The following CDH18 variants were observed in gnomAD, a reference collection of about 807,000 sequenced individuals.
CDH18 encodes cadherin-18.
Under a neutral mutation model 67.9 loss-of-function variants are expected in CDH18, and 31 were observed. That is an observed-to-expected ratio of 0.46 (90% CI 0.34 to 0.62). The LOEUF (loss-of-function observed/expected upper bound fraction) is 0.62. Among genes scored for constraint, CDH18 ranks in the 20% least tolerant of loss-of-function variants. The pLI is 0.01. For synonymous variants in CDH18, 362 were observed against 347.2 expected, an observed-to-expected ratio of 1.04 and a Z score of -0.48; for missense variants, 890 against 975.5, an observed-to-expected ratio of 0.91 and a Z score of 1.17.
chr5:19,554,078 A>T (rs923148323), intron 8 of CDH18, among the ~76,000 whole-genome samples: 1 of 152,172 alleles, frequency 6.6e-6, no homozygotes, highest in Non-Finnish European at 1.5e-5. Flanking sequence ...TTCTAAAAAA[A>T]AGAAGGTATA....
intron 1 of CDH18, among the ~76,000 whole-genome samples, chr5:20,462,184 T>C (rs1751311137): frequency 6.6e-6 from 1 of 152,136 alleles, no homozygotes; most frequent in African/African-American, 2.4e-5. Flanking sequence ...AGAGCATCTG[T>C]AAAAAATAAT....
intron 2 of CDH18, among the ~76,000 whole-genome samples, chr5:20,174,733 T>C (rs534183005): frequency 1.3e-5 from 2 of 152,258 alleles, no homozygotes; most frequent in Admixed American, 1.3e-4. Flanking sequence ...GATCGGTAAA[T>C]ATGATCCCAT....
At position 19,838,956 on chromosome 5, in the gene CDH18, G is replaced by C. The variant is rs770157004; in HGVS notation, c.31C>G (p.Pro11Ala). ...ACAAAACAGAGACACACTAGGACTG[G>C]ACAGATGCAAGATGTGCTAGTAATT... is the stretch of plus-strand genomic sequence containing the variant. MKITSTSCICPVLVCLCFVQR... is the reference protein window; with the variant it reads MKITSTSCICAVLVCLCFVQR... Residue 11 changes from proline to alanine, a missense_variant, in exon 3 of 13, where the codon CCA (proline) becomes GCA (alanine). Coordinates refer to ENST00000382275, the MANE Select transcript of CDH18 (RefSeq NM_004934.5). 1 of 1,613,676 alleles carries C rather than the reference G, an allele frequency of 6.2e-7. No individual in the cohort carries two copies. The highest frequency in any genetic ancestry group is 8.5e-7 in the Non-Finnish European group (1 of 1,179,610).
chr5:20,554,430 C>T (rs181623506), intron 1 of CDH18, among the ~76,000 whole-genome samples: 1 of 152,280 alleles, frequency 6.6e-6, no homozygotes, highest in East Asian at 1.9e-4. Context: ...CACTTTTTCT[C>T]TATTTCCTCA....
chr5:19,711,573 T>C (rs1764710426), intron 5 of CDH18, among the ~76,000 whole-genome samples: 1 of 147,938 alleles, frequency 6.8e-6, no homozygotes, highest in Non-Finnish European at 1.5e-5. Context: ...TCAACATCAC[T>C]ATTCATCAGA....
At chr5:20,356,484 T>C (rs1741616053) in intron 1 of CDH18, among the ~76,000 whole-genome samples, 1 of 152,094 alleles carries the variant, frequency 6.6e-6, no homozygotes, top group African/African-American at 2.4e-5. Context: ...TCAAGATATA[T>C]AAAGAGTTAG....
intron 2 of CDH18, among the ~76,000 whole-genome samples, chr5:20,170,929 C>T (rs754725763): frequency 1.3e-5 from 2 of 151,940 alleles, no homozygotes; most frequent in Non-Finnish European, 2.9e-5. Flanking sequence ...CATCATTTAG[C>T]TCCCACTTAT....
intron 5 of CDH18, among the ~76,000 whole-genome samples, chr5:19,648,226 C>A (rs1032550107): frequency 2.0e-5 from 3 of 150,130 alleles, no homozygotes; most frequent in Non-Finnish European, 4.4e-5. Flanking sequence ...ACCAGCCTGG[C>A]CAACATGTTG....
At chr5:19,874,586 G>A (rs542934310) in intron 2 of CDH18, among the ~76,000 whole-genome samples, 3 of 152,142 alleles carry the variant, frequency 2.0e-5, no homozygotes, top group Middle Eastern at 6.8e-3. Flanking sequence ...TTACGGTCTT[G>A]ACCTTGAATT....
rs116347373 is a variant in CDH18, at chr5:19,707,123, G to A, written c.643+14224C>T. Among the ~76,000 whole-genome samples, 1,169 of 152,140 alleles carry A rather than the reference G, an allele frequency of 7.7e-3. 15 individuals carry two copies. Among genetic ancestry groups the A allele is most frequent in the African/African-American group, 0.027 (1,102 of 41,500 alleles). On this transcript the variant is annotated intron_variant, in intron 5 of 12. Coordinates refer to ENST00000382275, the MANE Select transcript of CDH18 (RefSeq NM_004934.5). ...GGGCACCATCGAGACATCTAAAGCC[G>A]TACTATGAGCCAGCTACCCAGGAAG...
intron 2 of CDH18, among the ~76,000 whole-genome samples, chr5:20,129,293 T>C (rs1465752983): frequency 1.3e-5 from 2 of 152,036 alleles, no homozygotes; most frequent in Admixed American, 6.6e-5. Flanking sequence ...TTTCAGTTAT[T>C]TCCAGTTTGT....
intron 2 of CDH18, among the ~76,000 whole-genome samples, chr5:19,897,783 A>G (rs1789511913): frequency 6.6e-6 from 1 of 152,106 alleles, no homozygotes. Flanking sequence ...TGCTAAATGA[A>G]AGAAAAAAAG....
chr5:19,527,318 T>C (rs1747893332), intron 9 of CDH18, among the ~76,000 whole-genome samples: 2 of 151,830 alleles, frequency 1.3e-5, no homozygotes, highest in South Asian at 4.1e-4. Context: ...AATCAATTAA[T>C]ACATATTATA....
chr5:19,673,839 A>T (rs1486526004), intron 5 of CDH18, among the ~76,000 whole-genome samples: 1 of 152,102 alleles, frequency 6.6e-6, no homozygotes, highest in Admixed American at 6.6e-5. Flanking sequence ...AAACTGACTC[A>T]TTGACAGGTT....
intron 1 of CDH18, among the ~76,000 whole-genome samples, chr5:20,451,610 T>G (rs1330594751): frequency 6.6e-6 from 1 of 152,182 alleles, no homozygotes; most frequent in African/African-American, 2.4e-5. Context: ...ATTTCCCTCA[T>G]TAAGTGTTGG....
chr5:20,366,003 T>C (rs1762208910), intron 1 of CDH18, among the ~76,000 whole-genome samples: 1 of 152,308 alleles, frequency 6.6e-6, no homozygotes, highest in African/African-American at 2.4e-5. Context: ...CTATTTCACT[T>C]TTTTATAATT....
chr5:20,435,032 G>A (rs751936930), intron 1 of CDH18, among the ~76,000 whole-genome samples: 1 of 151,906 alleles, frequency 6.6e-6, no homozygotes, highest in Admixed American at 6.6e-5. Flanking sequence ...GTAATTTTTG[G>A]CTTAAACCAG....
intron 1 of CDH18, among the ~76,000 whole-genome samples, chr5:20,452,276 T>G (rs1750506995): frequency 6.7e-6 from 1 of 149,802 alleles, no homozygotes; most frequent in Admixed American, 6.6e-5. Flanking sequence ...GTACTATGTG[T>G]TTTTTGTATT....
chr5:20,044,351 G>A (rs1561743385), intron 2 of CDH18, among the ~76,000 whole-genome samples: 2 of 151,972 alleles, frequency 1.3e-5, no homozygotes, highest in African/African-American at 4.8e-5. Flanking sequence ...GTTGGAGAAG[G>A]TTTTTTATTA....
Sources: gnomAD v4.1 joint callset for allele counts (sites outside exome capture counted in the v4.1 genomes callset) on GRCh38, gnomAD v4.1.1 for gene constraint, MANE v1.5 for transcripts, NCBI Gene and HGNC (gene_info 2026-07-23, HGNC 2026-07-21) for gene names.